NCKAP5: variants seen among roughly 807,000 people sequenced by gnomAD.
NCKAP5 encodes NCK associated protein 5, also known as nck-associated protein 5.
NCKAP5 carries 92 observed loss-of-function variants against 167.0 expected under a neutral mutation model. The observed-to-expected ratio is 0.55, with a 90% CI of 0.47 to 0.66. The LOEUF is 0.66. Ranked by LOEUF, NCKAP5 falls within the 30% of genes least tolerant of loss-of-function variation. The probability of loss-of-function intolerance (pLI) is 0.00; values close to 1 mark genes in which losing one functional copy is unlikely to be tolerated. For synonymous variants in NCKAP5, 891 were observed against 877.4 expected (o/e 1.02, Z -0.27); for missense variants, 2,378 against 2,315.0 (o/e 1.03, Z -0.56).
intron 19 of NCKAP5, among the ~76,000 whole-genome samples, chr2:132,692,731 T>A (rs868072326): frequency 1.3e-5 from 2 of 152,226 alleles, no homozygotes; most frequent in Non-Finnish European, 1.5e-5. Flanking sequence ...TCAATACTCA[T>A]GTTTAACGTG....
intron 8 of NCKAP5, among the ~76,000 whole-genome samples, chr2:132,945,415 G>C (rs1334482036): frequency 6.6e-6 from 1 of 152,142 alleles, no homozygotes; most frequent in African/African-American, 2.4e-5. Context: ...AAATCATCTA[G>C]TTAGCTGAAA....
intron 2 of NCKAP5, among the ~76,000 whole-genome samples, chr2:133,539,689 A>T (rs559049662): frequency 6.6e-6 from 1 of 152,306 alleles, no homozygotes; most frequent in East Asian, 1.9e-4. Context: ...AATCAAAGGG[A>T]TAATTAATGA....
At chr2:133,231,468 G>A (rs574887171) in intron 4 of NCKAP5, among the ~76,000 whole-genome samples, 7 of 152,272 alleles carry the variant, frequency 4.6e-5, no homozygotes, top group East Asian at 1.9e-4. Flanking sequence ...GTTTAACTAC[G>A]CTCATGTGTG....
chr2:132,794,221 TAC>T (rs1373960451), intron 12 of NCKAP5, among the ~76,000 whole-genome samples: 10 of 72,360 alleles, frequency 1.4e-4, no homozygotes, highest in Admixed American at 5.5e-4. Flanking sequence ...AAAATGTTTA[TAC>T]ATATATATAT....
chr2:133,521,673 C>A (rs972225442), intron 2 of NCKAP5, among the ~76,000 whole-genome samples: 2 of 152,192 alleles, frequency 1.3e-5, no homozygotes, highest in Non-Finnish European at 2.9e-5. Context: ...CATGTCTCTT[C>A]CTCTAAGGAC....
intron 2 of NCKAP5, among the ~76,000 whole-genome samples, chr2:133,539,434 A>C (rs1178397009): frequency 6.6e-6 from 1 of 152,224 alleles, no homozygotes; most frequent in Non-Finnish European, 1.5e-5. Flanking sequence ...GACAAGCAAA[A>C]TAAAAAATAC....
intron 6 of NCKAP5, among the ~76,000 whole-genome samples, chr2:133,125,467 G>A (rs1197597604): frequency 1.3e-5 from 2 of 152,106 alleles, no homozygotes; most frequent in Non-Finnish European, 2.9e-5. Context: ...TCAAACAAGC[G>A]GTTAGAGGAG....
chr2:133,063,476 C>T (rs1164843936), intron 6 of NCKAP5, among the ~76,000 whole-genome samples: 1 of 152,134 alleles, frequency 6.6e-6, no homozygotes, highest in Non-Finnish European at 1.5e-5. Flanking sequence ...CCAAGGAGGG[C>T]CTGACCAGAT....
chr2:133,580,630 C>T, the NCKAP5 span, among the ~76,000 whole-genome samples: 11 of 152,160 alleles, frequency 7.2e-5, no homozygotes, highest in Non-Finnish European at 2.9e-5. Flanking sequence ...TCACTTAGAA[C>T]AAATCAGCAT....
chr2:133,012,349 G>A (rs555823323), intron 6 of NCKAP5, among the ~76,000 whole-genome samples: 272 of 152,226 alleles, frequency 1.8e-3, no homozygotes, highest in African/African-American at 5.9e-3. Flanking sequence ...CCAGGTTCCC[G>A]CCATTATCCT....
At chr2:133,252,062 G>T (rs1327715936) in intron 4 of NCKAP5, among the ~76,000 whole-genome samples, 4 of 152,118 alleles carry the variant, frequency 2.6e-5, no homozygotes, top group Non-Finnish European at 5.9e-5. Flanking sequence ...TCCAAGAATT[G>T]GAACTGCATA....
chr2:133,622,085 CCCTTTATGATTAAAA>C, the NCKAP5 span, among the ~76,000 whole-genome samples: 2 of 152,090 alleles, frequency 1.3e-5, no homozygotes, highest in Non-Finnish European at 2.9e-5. Context: ...AATGCAGCAT[CCCTTTATGATTAAAA>C]CCTTCAGCAA....
intron 8 of NCKAP5, among the ~76,000 whole-genome samples, chr2:132,946,575 A>G (rs1261769388): frequency 6.6e-6 from 1 of 152,178 alleles, no homozygotes; most frequent in South Asian, 2.1e-4. Flanking sequence ...AGTGAACTCC[A>G]CTTCATGAAT....
At chr2:133,248,116 G>A (rs994610554) in intron 4 of NCKAP5, among the ~76,000 whole-genome samples, 2 of 152,180 alleles carry the variant, frequency 1.3e-5, no homozygotes, top group African/African-American at 4.8e-5. Flanking sequence ...ACTAGAACTT[G>A]TCCATGTGCA....
At chr2:132,968,488 A>G (rs2076733356) in intron 7 of NCKAP5, among the ~76,000 whole-genome samples, 1 of 152,200 alleles carries the variant, frequency 6.6e-6, no homozygotes, top group African/African-American at 2.4e-5. Flanking sequence ...CCAACTTTTT[A>G]GGCCTCAGTT....
chr2:133,141,265 T>A (rs1413668030), intron 5 of NCKAP5, among the ~76,000 whole-genome samples: 3 of 152,164 alleles, frequency 2.0e-5, no homozygotes, highest in Non-Finnish European at 4.4e-5. Flanking sequence ...TCACTTTCGC[T>A]CAATAACTAT....
At chr2:133,183,049 A>G (rs1227775410) in intron 5 of NCKAP5, among the ~76,000 whole-genome samples, 2 of 152,072 alleles carry the variant, frequency 1.3e-5, no homozygotes, top group African/African-American at 4.8e-5. Flanking sequence ...AACTACCATA[A>G]CTCACCCAAT....
At chr2:133,523,865 A>T (rs529632245) in intron 2 of NCKAP5, among the ~76,000 whole-genome samples, 18 of 152,200 alleles carry the variant, frequency 1.2e-4, no homozygotes, top group Non-Finnish European at 2.2e-4. Context: ...GTCGTTGACA[A>T]GGCAGCTCCA....
the NCKAP5 span, among the ~76,000 whole-genome samples, chr2:133,660,178 T>TTCC: frequency 2.7e-4 from 41 of 152,324 alleles, no homozygotes; most frequent in Admixed American, 2.7e-3. Flanking sequence ...CAAATGGTTC[T>TTCC]TCCCTCCCTC....
Sources: allele counts gnomAD v4.1 joint callset (sites outside exome capture counted in the v4.1 genomes callset), GRCh38; gene constraint gnomAD v4.1.1; transcripts MANE v1.5; gene names NCBI Gene and HGNC (gene_info 2026-07-23, HGNC 2026-07-21).